Variants in DLG2 observed in about 807,000 individuals in gnomAD.
DLG2 encodes the protein discs large MAGUK scaffold protein 2.
A neutral mutation model predicts 132.5 loss-of-function variants in DLG2; 45 were observed. The observed-to-expected ratio is 0.34, with a 90% CI of 0.27 to 0.44. The LOEUF is 0.44. DLG2 is among the 20% of genes least tolerant of loss of function. DLG2 has a pLI of 1.00. For missense variants in DLG2, 1,045 were observed against 1,196.9 expected (o/e 0.87, Z 1.87); for synonymous variants, 424 against 419.6 (o/e 1.01, Z -0.13).
chr11:83,613,944 CA>C (rs1209648629), intron 19 of DLG2, among the ~76,000 whole-genome samples: 1 of 152,172 alleles, frequency 6.6e-6, no homozygotes, highest in African/African-American at 2.4e-5. Flanking sequence ...AAGAGCTCTA[CA>C]GGTGCTTCTT....
intron 6 of DLG2, among the ~76,000 whole-genome samples, chr11:84,895,883 A>C (rs1332427870): frequency 1.3e-5 from 2 of 152,178 alleles, no homozygotes; most frequent in African/African-American, 4.8e-5. Context: ...AGTTTATAAC[A>C]ACCTGTCAGT....
At chr11:83,951,774 T>C (rs1414931817) in intron 14 of DLG2, among the ~76,000 whole-genome samples, 1 of 152,086 alleles carries the variant, frequency 6.6e-6, no homozygotes, top group African/African-American at 2.4e-5. Context: ...GATGACGTGA[T>C]CTGAATTTAA....
intron 6 of DLG2, among the ~76,000 whole-genome samples, chr11:84,752,564 C>CTTTTTTTTTT (rs370347853): frequency 2.4e-5 from 3 of 127,496 alleles, no homozygotes; most frequent in Admixed American, 7.8e-5. Flanking sequence ...TTTTCTTTTT[C>CTTTTTTTTTT]TTTTTTTTTT....
intron 6 of DLG2, among the ~76,000 whole-genome samples, chr11:84,607,219 C>G (rs1163199148): frequency 6.6e-6 from 1 of 152,080 alleles, no homozygotes; most frequent in African/African-American, 2.4e-5. Context: ...AACTATAATT[C>G]AAGTGATTTA....
chr11:85,226,123 T>C (rs1409109831), intron 4 of DLG2, among the ~76,000 whole-genome samples: 1 of 151,524 alleles, frequency 6.6e-6, no homozygotes, highest in African/African-American at 2.4e-5. Flanking sequence ...AGTGACATAA[T>C]TGTTATATTA....
rs902336333 is a variant in DLG2, at chr11:83,474,331, C to T, written c.2294-1554G>A. 2.0e-5 allele frequency among the ~76,000 whole-genome samples: 3 copies of T among 151,960 alleles called. No homozygotes were observed. In the South Asian group the frequency reaches 6.2e-4, roughly 32 times the overall value. ...AACCCCCAGTTATCTAAAGCCTGAG[C>T]GATGTAGAGGGTATACGCATTCAAG... On this transcript the variant is annotated intron_variant, in intron 22 of 27. Transcript: ENST00000376104.
intron 8 of DLG2, among the ~76,000 whole-genome samples, chr11:84,225,351 T>G (rs952777834): frequency 1.3e-5 from 2 of 152,222 alleles, no homozygotes; most frequent in Non-Finnish European, 2.9e-5. Context: ...TCAGCTTCAT[T>G]TGACAACTGA....
chr11:84,955,912 T>C (rs1001094433), intron 6 of DLG2, among the ~76,000 whole-genome samples: 3 of 152,182 alleles, frequency 2.0e-5, no homozygotes, highest in Non-Finnish European at 4.4e-5. Context: ...TTGACCTTTG[T>C]GGAAGTACAC....
intron 7 of DLG2, among the ~76,000 whole-genome samples, chr11:84,290,559 T>C (rs1473615205): frequency 6.6e-6 from 1 of 152,114 alleles, no homozygotes; most frequent in Non-Finnish European, 1.5e-5. Context: ...TGATTTAACA[T>C]TGATTGAATA....
At chr11:85,266,497 G>A (rs1315895995) in intron 4 of DLG2, among the ~76,000 whole-genome samples, 1 of 152,122 alleles carries the variant, frequency 6.6e-6, no homozygotes, top group African/African-American at 2.4e-5. Flanking sequence ...ATCAGGAGAA[G>A]TACCTAATGT....
At chr11:85,400,170 C>T (rs1452852545) in intron 3 of DLG2, among the ~76,000 whole-genome samples, 7 of 152,120 alleles carry the variant, frequency 4.6e-5, no homozygotes, top group Non-Finnish European at 1.0e-4. Flanking sequence ...AGCCAAAAGA[C>T]ACATGAAAAA....
chr11:83,815,645 T>C (rs1298767599), intron 17 of DLG2, among the ~76,000 whole-genome samples: 1 of 152,010 alleles, frequency 6.6e-6, no homozygotes, highest in Non-Finnish European at 1.5e-5. Flanking sequence ...TGGAAGAAAG[T>C]GGTGGGCAAG....
intron 18 of DLG2, among the ~76,000 whole-genome samples, chr11:83,687,867 T>G (rs2080092137): frequency 6.6e-6 from 1 of 152,070 alleles, no homozygotes; most frequent in Non-Finnish European, 1.5e-5. Context: ...CTGGTCATGA[T>G]GGCATACATC....
intron 6 of DLG2, among the ~76,000 whole-genome samples, chr11:84,662,166 T>G (rs1402667935): frequency 6.6e-6 from 1 of 151,764 alleles, no homozygotes; most frequent in African/African-American, 2.4e-5. Context: ...TCATCAGTAC[T>G]TAGAGTCAGT....
intron 18 of DLG2, among the ~76,000 whole-genome samples, chr11:83,739,765 G>A (rs1341156857): frequency 1.3e-5 from 2 of 152,116 alleles, no homozygotes; most frequent in Non-Finnish European, 2.9e-5. Context: ...TAGACAGAAG[G>A]TAGCAGACTG....
At chr11:85,092,235 G>A (rs2068905844) in intron 6 of DLG2, among the ~76,000 whole-genome samples, 1 of 152,016 alleles carries the variant, frequency 6.6e-6, no homozygotes, top group African/African-American at 2.4e-5. Flanking sequence ...TTTCTGAGCA[G>A]ATTACAAAAG....
At chr11:83,931,182 T>A (rs1027443642) in intron 14 of DLG2, among the ~76,000 whole-genome samples, 28 of 152,340 alleles carry the variant, frequency 1.8e-4, no homozygotes, top group Non-Finnish European at 3.4e-4. Context: ...ATCTAATATC[T>A]TCTGTATACA....
At chr11:84,371,549 C>G (rs889438600) in intron 7 of DLG2, among the ~76,000 whole-genome samples, 2 of 152,108 alleles carry the variant, frequency 1.3e-5, no homozygotes, top group African/African-American at 4.8e-5. Context: ...CGCCTGGCCA[C>G]AAAATCTTTT....
chr11:85,431,673 C>G (rs1023502490), intron 3 of DLG2, among the ~76,000 whole-genome samples: 1 of 152,240 alleles, frequency 6.6e-6, no homozygotes, highest in South Asian at 2.1e-4. Context: ...TTTCCCAGAG[C>G]CTGAGCTCCT....
Sources: allele counts gnomAD v4.1 joint callset (sites outside exome capture counted in the v4.1 genomes callset), GRCh38; gene constraint gnomAD v4.1.1; transcripts MANE v1.5; gene names NCBI Gene and HGNC (gene_info 2026-07-23, HGNC 2026-07-21).